TMEM232: variants seen among roughly 807,000 people sequenced by gnomAD.
TMEM232 encodes transmembrane protein 232.
TMEM232 carries 80 observed loss-of-function variants against 78.8 expected under a neutral mutation model. The observed-to-expected ratio is 1.01, with a 90% CI of 0.85 to 1.22. The LOEUF is 1.22. TMEM232 is among the 50% of genes most tolerant of loss of function. The pLI, the probability that TMEM232 is intolerant of heterozygous loss-of-function variation, is 0.00. For missense variants in TMEM232, 881 were observed against 742.2 expected, an observed-to-expected ratio of 1.19 and a Z score of -2.17; for synonymous variants, 297 against 254.3, an observed-to-expected ratio of 1.17 and a Z score of -1.60.
chr5:110,731,237 T>G (rs1798652019), upstream of TMEM232, among the ~76,000 whole-genome samples: 1 of 152,206 alleles, frequency 6.6e-6, no homozygotes, highest in Admixed American at 6.5e-5. Context: ...ATAGCCTCCC[T>G]CCTGGCTGCT....
chr5:110,441,394 A>G (rs1759026666), intron 12 of TMEM232, among the ~76,000 whole-genome samples: 2 of 152,134 alleles, frequency 1.3e-5, no homozygotes, highest in Non-Finnish European at 2.9e-5. Context: ...TATGATTGCT[A>G]ATGTTCTCTG....
At chr5:110,481,865 C>A (rs548806504) in intron 12 of TMEM232, among the ~76,000 whole-genome samples, 5 of 152,132 alleles carry the variant, frequency 3.3e-5, no homozygotes, top group African/African-American at 9.6e-5. Context: ...AAGGCTGTTC[C>A]CTGGGATTCT....
intron 12 of TMEM232, among the ~76,000 whole-genome samples, chr5:110,444,912 C>T (rs1455128420): frequency 6.6e-6 from 1 of 151,682 alleles, no homozygotes; most frequent in Non-Finnish European, 1.5e-5. Context: ...TCCCATTTTC[C>T]TCCTCTTTGT....
intron 3 of TMEM232, among the ~76,000 whole-genome samples, chr5:110,390,902 T>C (rs1189618459): frequency 6.6e-6 from 1 of 152,336 alleles, no homozygotes; most frequent in Non-Finnish European, 1.5e-5. Context: ...ATCATTTGCA[T>C]GTTAACAAGT....
intron 10 of TMEM232, among the ~76,000 whole-genome samples, chr5:110,575,806 G>C (rs1777512670): frequency 6.6e-6 from 1 of 151,980 alleles, no homozygotes; most frequent in South Asian, 2.1e-4. Context: ...CAGGTCAGGA[G>C]ATACATCATG....
At chr5:110,590,215 C>G (rs1229672153) in intron 10 of TMEM232, among the ~76,000 whole-genome samples, 1 of 152,116 alleles carries the variant, frequency 6.6e-6, no homozygotes, top group Non-Finnish European at 1.5e-5. Context: ...CTGTGAAAAG[C>G]TTGTCTCACA....
intron 1 of TMEM232, among the ~76,000 whole-genome samples, chr5:110,710,294 G>T (rs1796336732): frequency 6.6e-6 from 1 of 152,014 alleles, no homozygotes; most frequent in Admixed American, 6.6e-5. Flanking sequence ...GGACTCAATG[G>T]TTTCACTGCT....
intron 12 of TMEM232, among the ~76,000 whole-genome samples, chr5:110,506,364 T>C (rs138352128): frequency 1.3e-3 from 205 of 152,292 alleles, no homozygotes; most frequent in Admixed American, 3.5e-3. Context: ...TCAAACAGAT[T>C]AATATATTTT....
At chr5:110,644,739 G>C (rs1051844613) in intron 2 of TMEM232, among the ~76,000 whole-genome samples, 3 of 151,316 alleles carry the variant, frequency 2.0e-5, no homozygotes, top group Non-Finnish European at 4.4e-5. Context: ...TTTGCAGAAA[G>C]AAGGAAATAA....
chr5:110,716,818 G>C (rs1181381475), intron 1 of TMEM232, among the ~76,000 whole-genome samples: 1 of 152,122 alleles, frequency 6.6e-6, no homozygotes, highest in African/African-American at 2.4e-5. Flanking sequence ...CTGTGTTTTA[G>C]AAGAACATTA....
In TMEM232 at chr5:110,572,214, ATGTGGCATGGGAAG is replaced by A. The variant is rs527325150; in HGVS notation, c.1277-3603_1277-3590del. On this transcript the variant is annotated intron_variant, in intron 10 of 13. Coordinates refer to ENST00000455884, the MANE Select transcript of TMEM232 (RefSeq NM_001039763.4). ...AAAGAAGATAAATATTATTTGGAAAATGTGGCATGGGAAGGGAGACTCTAATGTTCAATGTCCTG... is the reference window on the plus strand; with the variant it reads ...AAAGAAGATAAATATTATTTGGAAAAGGAGACTCTAATGTTCAATGTCCTG... 1.1e-3 allele frequency among the ~76,000 whole-genome samples: 166 copies of A among 152,178 alleles called. 1 individual carries two copies. The highest frequency in any genetic ancestry group is 3.9e-3 in the African/African-American group (163 of 41,562).
At chr5:110,388,830 C>G (rs182889830) in intron 4 of TMEM232, among the ~76,000 whole-genome samples, 18 of 152,268 alleles carry the variant, frequency 1.2e-4, no homozygotes, top group African/African-American at 3.9e-4. Context: ...CAGGCAGAGG[C>G]AGAAAACTAC....
intron 2 of TMEM232, among the ~76,000 whole-genome samples, chr5:110,651,297 G>A (rs956210143): frequency 6.6e-6 from 1 of 152,114 alleles, no homozygotes; most frequent in Non-Finnish European, 1.5e-5. Flanking sequence ...AGACTATCGG[G>A]AAAGGTGAGA....
intron 12 of TMEM232, among the ~76,000 whole-genome samples, chr5:110,505,721 G>A (rs1168213563): frequency 6.6e-6 from 1 of 152,082 alleles, no homozygotes; most frequent in Non-Finnish European, 1.5e-5. Context: ...TGTTGGCCAG[G>A]CTGGTCTGGA....
intron 12 of TMEM232, among the ~76,000 whole-genome samples, chr5:110,443,983 T>C (rs1271287488): frequency 6.6e-6 from 1 of 152,146 alleles, no homozygotes; most frequent in African/African-American, 2.4e-5. Flanking sequence ...TCTTTACTTA[T>C]TGCTCTCTTC....
chr5:110,410,824 T>C (rs1246122211), intron 2 of TMEM232, among the ~76,000 whole-genome samples: 1 of 152,160 alleles, frequency 6.6e-6, no homozygotes, highest in African/African-American at 2.4e-5. Flanking sequence ...TTTGCATTGC[T>C]TGAATGTGGA....
rs143598281 is a variant in TMEM232 at position 110,481,408 on chromosome 5, A to G, written c.1703+47180T>C. Among the ~76,000 whole-genome samples, 1,466 of 152,238 alleles carry G rather than the reference A, an allele frequency of 9.6e-3. 58 individuals carry two copies. Among genetic ancestry groups the G allele is most frequent in the Admixed American group, 0.079 (1,211 of 15,262 alleles). ...TTTGGAAAAAACTTTGTCTTTGGGC[A>G]ACAGATTTTATATTTAAAATGAATA... is the stretch of plus-strand genomic sequence containing the variant. On this transcript the variant is annotated intron_variant, in intron 12 of 13. Transcript: ENST00000455884.
intron 1 of TMEM232, among the ~76,000 whole-genome samples, chr5:110,684,266 G>C (rs1269975613): frequency 1.3e-5 from 2 of 151,630 alleles, no homozygotes. Context: ...AAAGAAGAGG[G>C]ACCATATTTA....
intron 1 of TMEM232, among the ~76,000 whole-genome samples, chr5:110,675,853 G>A (rs1194515512): frequency 6.6e-6 from 1 of 152,082 alleles, no homozygotes; most frequent in African/African-American, 2.4e-5. Flanking sequence ...TCACCATGCT[G>A]TACAACAGAT....
Sources: allele counts gnomAD v4.1 joint callset (sites outside exome capture counted in the v4.1 genomes callset), GRCh38; gene constraint gnomAD v4.1.1; transcripts MANE v1.5; gene names NCBI Gene and HGNC (gene_info 2026-07-23, HGNC 2026-07-21).